GRK5: variants seen among roughly 807,000 people sequenced by gnomAD.
GRK5 encodes the protein g protein-coupled receptor kinase GRK5.
GRK5 carries 40 observed loss-of-function variants against 78.4 expected under a neutral mutation model. The observed-to-expected ratio is 0.51, with a 90% CI of 0.40 to 0.66. GRK5 has a LOEUF of 0.66. GRK5 is among the 30% of genes least tolerant of loss of function. GRK5 has a pLI of 0.00. For synonymous variants in GRK5, 289 were observed against 296.8 expected, an observed-to-expected ratio of 0.97 and a Z score of 0.27; for missense variants, 598 against 759.9, an observed-to-expected ratio of 0.79 and a Z score of 2.50.
intron 1 of GRK5, among the ~76,000 whole-genome samples, chr10:119,280,409 G>A (rs1286131550): frequency 1.3e-5 from 2 of 152,076 alleles, no homozygotes; most frequent in Non-Finnish European, 1.5e-5. Context: ...CGTGAATGTC[G>A]GCTCTCCAGC....
chr10:119,227,841 C>A (rs1227278080), intron 1 of GRK5, among the ~76,000 whole-genome samples: 1 of 152,154 alleles, frequency 6.6e-6, no homozygotes, highest in Non-Finnish European at 1.5e-5. Flanking sequence ...ACATTACGAT[C>A]TTGTTGCTGA....
At chr10:119,390,131 G>A (rs1015001369) in intron 3 of GRK5, among the ~76,000 whole-genome samples, 1 of 152,226 alleles carries the variant, frequency 6.6e-6, no homozygotes, top group Non-Finnish European at 1.5e-5. Context: ...GCTGGTGGGG[G>A]TGAGGATGGG....
intron 12 of GRK5, among the ~76,000 whole-genome samples, chr10:119,447,621 G>A (rs1365182392): frequency 5.9e-5 from 9 of 152,190 alleles, no homozygotes; most frequent in Admixed American, 5.9e-4. Context: ...CGGGGTGCCC[G>A]ATCTGTATCA....
At chr10:119,219,165 G>A (rs757686724) in intron 1 of GRK5, among the ~76,000 whole-genome samples, 16 of 152,170 alleles carry the variant, frequency 1.1e-4, no homozygotes, top group Non-Finnish European at 1.5e-4. Context: ...TGGGATTACA[G>A]GCTTGAGCCA....
chr10:119,349,304 C>T (rs999285607), intron 2 of GRK5, among the ~76,000 whole-genome samples: 1 of 152,204 alleles, frequency 6.6e-6, no homozygotes, highest in Non-Finnish European at 1.5e-5. Context: ...CCGCTGAAGG[C>T]AGAGGCATGG....
chr10:119,419,488 G>A (rs1852528322), intron 4 of GRK5, among the ~76,000 whole-genome samples: 1 of 152,218 alleles, frequency 6.6e-6, no homozygotes, highest in Non-Finnish European at 1.5e-5. Context: ...ACTGGCAAAG[G>A]TGTCACTCCC....
intron 1 of GRK5, among the ~76,000 whole-genome samples, chr10:119,226,030 G>A (rs1399891559): frequency 3.3e-5 from 5 of 151,780 alleles, no homozygotes; most frequent in Non-Finnish European, 7.4e-5. Flanking sequence ...TGTATTTTTA[G>A]TAGAGATGGT....
In GRK5 at chr10:119,221,543, T is replaced by C. The variant is rs150594732; in HGVS notation, c.52+13574T>C. On this transcript the variant is annotated intron_variant, in intron 1 of 15. Coordinates refer to ENST00000392870, the MANE Select transcript of GRK5 (RefSeq NM_005308.3). ...GTTCTAAAGGGGTCTGTGTTTTTCA[T>C]TGTCTTTGACTAGTTTTATAATATA... Among the ~76,000 whole-genome samples the C allele has an allele frequency of 2.9e-3, 435 of 152,356 alleles. 3 individuals are homozygous for C. Among genetic ancestry groups the C allele is most frequent in the African/African-American group, 9.7e-3 (404 of 41,570 alleles).
At chr10:119,209,706 A>G (rs1371616109) in intron 1 of GRK5, among the ~76,000 whole-genome samples, 1 of 151,556 alleles carries the variant, frequency 6.6e-6, no homozygotes, top group Non-Finnish European at 1.5e-5. Context: ...GGGGCTGGGA[A>G]AGTTTTCACT....
At chr10:119,451,085 G>T (rs1380938000) in intron 13 of GRK5, among the ~76,000 whole-genome samples, 1 of 33,992 alleles carries the variant, frequency 2.9e-5, no homozygotes, top group South Asian at 1.3e-3. Context: ...CCCCACCATC[G>T]TCCCTGCCAG....
rs115069391 is a variant in GRK5 at position 119,434,574 on chromosome 10, C to T, written c.739-2077C>T. Among the ~76,000 whole-genome samples the T allele has an allele frequency of 4.3e-3, 648 of 152,364 alleles. 7 individuals carry two copies. The highest frequency in any genetic ancestry group is 0.015 in the African/African-American group (617 of 41,582). On this transcript the variant is annotated intron_variant, in intron 8 of 15. Transcript: ENST00000392870. ...ATCTCTTTGACCTCATGTCTCACAT[C>T]CAGATCATGCCGATGCCAAGACGTG... is the stretch of plus-strand genomic sequence containing the variant.
chr10:119,219,446 A>G (rs552307042), intron 1 of GRK5, among the ~76,000 whole-genome samples: 43 of 152,314 alleles, frequency 2.8e-4, no homozygotes, highest in African/African-American at 1.0e-3. Flanking sequence ...CAAATATTCC[A>G]AAATCCAAAA....
rs187920439 is a variant in GRK5, at chr10:119,319,500, C to A, written c.53-7016C>A. 1.8e-4 allele frequency among the ~76,000 whole-genome samples: 28 copies of A among 152,372 alleles called. No individual in the cohort carries two copies. The East Asian group carries it at 5.2e-3, about 28-fold the overall frequency. ...CCTGGCGGGGCAACCCTTCTCCATG[C>A]AACCTCTCCTACCTGCCTGGCTACA... On this transcript the variant is annotated intron_variant, in intron 1 of 15. Transcript: ENST00000392870.
intron 1 of GRK5, among the ~76,000 whole-genome samples, chr10:119,296,932 G>A (rs1160099928): frequency 2.0e-5 from 3 of 152,014 alleles, no homozygotes; most frequent in Non-Finnish European, 4.4e-5. Context: ...CCTGTGGGCA[G>A]CCACCTGACC....
intron 4 of GRK5, among the ~76,000 whole-genome samples, chr10:119,404,494 A>G (rs1158438202): frequency 6.6e-6 from 1 of 152,198 alleles, no homozygotes; most frequent in Non-Finnish European, 1.5e-5. Flanking sequence ...CGTCCTTTGA[A>G]TCACAAAGGT....
At chr10:119,314,419 C>A (rs971346140) in intron 1 of GRK5, among the ~76,000 whole-genome samples, 1 of 152,220 alleles carries the variant, frequency 6.6e-6, no homozygotes, top group Non-Finnish European at 1.5e-5. Context: ...AAGAGCCAGT[C>A]CCCACCAAGT....
chr10:119,246,291 G>A (rs990136571), intron 1 of GRK5, among the ~76,000 whole-genome samples: 2 of 152,064 alleles, frequency 1.3e-5, no homozygotes, highest in Non-Finnish European at 2.9e-5. Flanking sequence ...TGTAAATGCT[G>A]TGTAATAGTT....
At chr10:119,395,660 A>T (rs1170029007) in intron 3 of GRK5, among the ~76,000 whole-genome samples, 13 of 152,178 alleles carry the variant, frequency 8.5e-5, no homozygotes, top group Non-Finnish European at 2.9e-5. Flanking sequence ...CCATGTGGCG[A>T]GTGCGTCAGA....
intron 2 of GRK5, among the ~76,000 whole-genome samples, chr10:119,346,104 G>A (rs1564899472): frequency 6.6e-6 from 1 of 152,104 alleles, no homozygotes; most frequent in African/African-American, 2.4e-5. Flanking sequence ...CCTAGAAGGT[G>A]CGTGTGCCTC....
Sources: gnomAD v4.1 joint callset for allele counts (sites outside exome capture counted in the v4.1 genomes callset) on GRCh38, gnomAD v4.1.1 for gene constraint, MANE v1.5 for transcripts, NCBI Gene and HGNC (gene_info 2026-07-23, HGNC 2026-07-21) for gene names.